Variants in SPATA13 observed in about 807,000 individuals in gnomAD.
SPATA13 encodes spermatogenesis-associated protein 13.
In SPATA13, 50 loss-of-function variants were observed where a neutral mutation model predicts 104.0. That is an observed-to-expected ratio of 0.48 (90% confidence interval 0.38 to 0.61). The LOEUF (loss-of-function observed/expected upper bound fraction) is 0.61, where lower values mean the gene tolerates loss of function less well. SPATA13 is among the 20% of genes least tolerant of loss of function. The pLI, the probability that SPATA13 is intolerant of heterozygous loss-of-function variation, is 0.00. For synonymous variants in SPATA13, 606 were observed against 667.5 expected (o/e 0.91, Z 1.42); for missense variants, 1,524 against 1,690.6 (o/e 0.90, Z 1.73).
At chr13:24,250,828 A>T (rs905096574) in intron 3 of SPATA13, among the ~76,000 whole-genome samples, 2 of 152,182 alleles carry the variant, frequency 1.3e-5, no homozygotes, top group Admixed American at 1.3e-4. Flanking sequence ...TACTGAAGCA[A>T]ATTGTCACGC....
Position 24,246,015 on chromosome 13 carries a change from T to C in SPATA13, c.1654-3462T>C, listed in dbSNP as rs530679275. Among the ~76,000 whole-genome samples, 8 of 152,290 alleles carry C rather than the reference T, an allele frequency of 5.3e-5. No homozygotes were observed. The East Asian group carries it at 9.7e-4, about 18-fold the overall frequency. On this transcript the variant is annotated intron_variant, in intron 2 of 12. Transcript: ENST00000382108. ...AGCTCACCTGCCTGTACCCAGCATC[T>C]GTCACTGCCTGGAGTAGTTCCTTAC...
At chr13:24,278,571 C>T in intron 4 of SPATA13, 1 of 1,335,614 alleles carries the variant, frequency 7.5e-7, no homozygotes, top group Non-Finnish European at 9.7e-7. Flanking sequence ...AGCTACCACG[C>T]CCAGCCACAT....
At chr13:24,125,749 G>A (rs1881191499) in intron 3 of SPATA13, among the ~76,000 whole-genome samples, 1 of 152,126 alleles carries the variant, frequency 6.6e-6, no homozygotes, top group South Asian at 2.1e-4. Context: ...GGCAGCCCAA[G>A]GAAAGTTGCG....
intron 3 of SPATA13, among the ~76,000 whole-genome samples, chr13:24,085,907 A>G (rs1005953922): frequency 2.0e-5 from 3 of 152,364 alleles, no homozygotes; most frequent in South Asian, 2.1e-4. Context: ...GTAAACAAAC[A>G]CTACAGGTTC....
upstream of SPATA13, among the ~76,000 whole-genome samples, chr13:24,159,773 A>G (rs1207337204): frequency 6.6e-6 from 1 of 152,152 alleles, no homozygotes; most frequent in African/African-American, 2.4e-5. Flanking sequence ...TTTGTTTTTT[A>G]TTTTACAGAT....
rs112517321 is a variant in SPATA13 at position 23,993,783 on chromosome 13, T to A, written c.-147+9850T>A. Among the ~76,000 whole-genome samples the A allele has an allele frequency of 2.1e-3, 324 of 152,310 alleles. 3 individuals are homozygous for A. The highest frequency in any genetic ancestry group is 7.3e-3 in the African/African-American group (302 of 41,582). Reference sequence around the variant, plus strand: ...TTTCCCATAAAACTCCCCATCCAGCTGTAAACCACCCCTGCTCACAGCAGG... The same window carrying A: ...TTTCCCATAAAACTCCCCATCCAGCAGTAAACCACCCCTGCTCACAGCAGG... On this transcript the variant is annotated intron_variant, in intron 2 of 14. Transcript: ENST00000424834.
chr13:24,303,447 T>C lies in SPATA13; in HGVS notation c.*674T>C, dbSNP rs1877360395. ...CTGTCACCTTCATCAGGGTCCTCAG[T>C]GCAGAGCAACTTACGCATCCTCAAG... On this transcript the variant is annotated 3_prime_UTR_variant, in exon 13 of 13. Transcript: ENST00000382108. The C allele has an allele frequency of 5.6e-6, 1 of 178,560 alleles. No homozygotes were observed. Among genetic ancestry groups the C allele is most frequent in the African/African-American group, 2.4e-5 (1 of 41,814 alleles). 11.1% of individuals were successfully genotyped at this position (178,560 alleles called of 1,614,324 possible).
At chr13:24,059,250 TG>T (rs1165002462) in intron 3 of SPATA13, among the ~76,000 whole-genome samples, 1 of 151,754 alleles carries the variant, frequency 6.6e-6, no homozygotes, top group East Asian at 1.9e-4. Flanking sequence ...GGATTACAGG[TG>T]TGGCCCACTG....
intron 1 of SPATA13, among the ~76,000 whole-genome samples, chr13:24,208,436 C>G (rs77923234): frequency 6.6e-6 from 1 of 152,188 alleles, no homozygotes; most frequent in Non-Finnish European, 1.5e-5. Flanking sequence ...TTCATAATCC[C>G]CAGTGCTCCT....
At chr13:24,299,923 C>T (rs1296523669) in intron 11 of SPATA13, among the ~76,000 whole-genome samples, 1 of 152,234 alleles carries the variant, frequency 6.6e-6, no homozygotes, top group Non-Finnish European at 1.5e-5. Context: ...TCAGGGCACA[C>T]ACTACACACA....
intron 3 of SPATA13, chr13:24,122,712 A>G (rs1441274410): frequency 4.3e-6 from 4 of 923,914 alleles, no homozygotes; most frequent in Admixed American, 1.7e-5. Context: ...ATTACGAAGG[A>G]GGAGCATCAT....
rs544357592 is a variant in SPATA13 at position 24,160,842 on chromosome 13, C to G, written c.-202C>G. 2.4e-5 allele frequency: 24 copies of G among 985,316 alleles called. No individual in the cohort carries two copies. In the African/African-American group the frequency reaches 3.5e-4, roughly 14 times the overall value. The allele number at this position is 985,316 out of a possible 1,614,324, so 61.0% of individuals were successfully genotyped here. A position where few individuals can be genotyped will look rare whatever the true frequency, so the allele number is the denominator to read the frequency against. ...GGCTCCTCCGAGAGTGCGGCGACCT[C>G]GGGGCTCCGCCGGCACCGGAGGTGG... On this transcript the variant is annotated 5_prime_UTR_variant, in exon 1 of 13. Transcript: ENST00000382108.
chr13:24,074,176 C>T (rs1052829867), intron 3 of SPATA13, among the ~76,000 whole-genome samples: 5 of 152,144 alleles, frequency 3.3e-5, no homozygotes, highest in African/African-American at 4.8e-5. Context: ...TGTCTATGCC[C>T]GTTTCTCCCC....
At chr13:24,060,775 A>T (rs888875288) in intron 3 of SPATA13, among the ~76,000 whole-genome samples, 7 of 152,234 alleles carry the variant, frequency 4.6e-5, no homozygotes, top group African/African-American at 1.7e-4. Flanking sequence ...AAAAATGGAC[A>T]AATGCGGCTG....
At chr13:24,265,712 C>T (rs576591997) in intron 4 of SPATA13, among the ~76,000 whole-genome samples, 3 of 152,216 alleles carry the variant, frequency 2.0e-5, no homozygotes, top group South Asian at 2.1e-4. Flanking sequence ...GCCATGCTTT[C>T]CCAGGGGACA....
intron 1 of SPATA13, among the ~76,000 whole-genome samples, chr13:24,165,472 T>C (rs951191524): frequency 1.3e-5 from 2 of 152,148 alleles, no homozygotes; most frequent in Non-Finnish European, 2.9e-5. Context: ...AGGTCCGAAA[T>C]GGCCAGACTG....
At chr13:24,226,992 T>C (rs532858758) in intron 2 of SPATA13, among the ~76,000 whole-genome samples, 1 of 152,330 alleles carries the variant, frequency 6.6e-6, no homozygotes, top group Admixed American at 6.5e-5. Context: ...TTGAGAACCG[T>C]CTGCTCATTT....
intron 4 of SPATA13, among the ~76,000 whole-genome samples, chr13:24,281,036 T>C (rs1333186077): frequency 6.7e-6 from 1 of 148,420 alleles, no homozygotes; most frequent in Non-Finnish European, 1.5e-5. Flanking sequence ...CACACATGCA[T>C]AGCTGGCTCC....
chr13:24,281,747 C>T (rs984616599), intron 4 of SPATA13, among the ~76,000 whole-genome samples: 4 of 152,198 alleles, frequency 2.6e-5, no homozygotes, highest in South Asian at 2.1e-4. Context: ...GTCCAGAGCT[C>T]AGGCTTACAG....
Sources: allele counts gnomAD v4.1 joint callset (sites outside exome capture counted in the v4.1 genomes callset), GRCh38; gene constraint gnomAD v4.1.1; transcripts MANE v1.5; gene names NCBI Gene and HGNC (gene_info 2026-07-23, HGNC 2026-07-21).